Variants in CRACDL observed in about 807,000 individuals in gnomAD.
CRACDL encodes the protein CRACD like.
In CRACDL, 26 loss-of-function variants were observed where a neutral mutation model predicts 70.6. The observed-to-expected ratio is 0.37, with a 90% CI of 0.27 to 0.51. CRACDL has a LOEUF of 0.51. CRACDL is among the 20% of genes least tolerant of loss of function. The pLI is 0.94. For missense variants in CRACDL, 1,283 were observed against 1,376.9 expected (o/e 0.93, Z 1.08); for synonymous variants, 618 against 615.2 (o/e 1.00, Z -0.07).
At chr2:98,833,774 T>C (rs1705650374) in intron 3 of CRACDL, among the ~76,000 whole-genome samples, 1 of 152,174 alleles carries the variant, frequency 6.6e-6, no homozygotes, top group Non-Finnish European at 1.5e-5. Context: ...AGGAGATGAC[T>C]GAGATCTGAT....
chr2:98,808,018 G>C (rs942262519), intron 7 of CRACDL, among the ~76,000 whole-genome samples: 1 of 152,300 alleles, frequency 6.6e-6, no homozygotes, highest in African/African-American at 2.4e-5. Flanking sequence ...GTCATACGTG[G>C]CTCCTGAGCT....
chr2:98,922,438 CAAAAAA>C (rs565954351), intron 1 of CRACDL, among the ~76,000 whole-genome samples: 2 of 63,464 alleles, frequency 3.2e-5, no homozygotes, highest in Non-Finnish European at 3.4e-5. Context: ...GACTCCGTCT[CAAAAAA>C]AAAAAAAAAA....
chr2:98,811,681 C>T (rs911731854), intron 7 of CRACDL, among the ~76,000 whole-genome samples: 1 of 152,044 alleles, frequency 6.6e-6, no homozygotes, highest in African/African-American at 2.4e-5. Flanking sequence ...TTCTTCCTTC[C>T]CCTATGTAAC....
At chr2:98,917,853 C>T (rs1708704919) in intron 1 of CRACDL, among the ~76,000 whole-genome samples, 1 of 152,204 alleles carries the variant, frequency 6.6e-6, no homozygotes, top group African/African-American at 2.4e-5. Flanking sequence ...ATTTCGCTCT[C>T]ATTTATAAGT....
chr2:98,815,209 T>G (rs1442217634), intron 7 of CRACDL, among the ~76,000 whole-genome samples: 1 of 152,216 alleles, frequency 6.6e-6, no homozygotes, highest in Non-Finnish European at 1.5e-5. Flanking sequence ...CCTCGAGAAT[T>G]TTTTAGGCTT....
rs1703712960 is a variant in CRACDL, at chr2:98,794,375, T to C, written c.*157A>G. 1.6e-6 allele frequency: 1 copy of C among 640,598 alleles called. No individual in the cohort carries two copies. The highest frequency in any genetic ancestry group is 2.7e-6 in the Non-Finnish European group (1 of 374,470). The allele number at this position is 640,598 out of a possible 1,614,324, so 39.7% of individuals were successfully genotyped here. A position where few individuals can be genotyped will look rare whatever the true frequency, so the allele number is the denominator to read the frequency against. On this transcript the variant is annotated 3_prime_UTR_variant, in exon 10 of 10. Coordinates refer to ENST00000397899, the MANE Select transcript of CRACDL (RefSeq NM_207362.3). Reference sequence around the variant, plus strand: ...GAGTATGGCTGTGTGTTTATCCTCTTTGTTTTGCCTGGTTCCTTCCTCTTC... The same window carrying C: ...GAGTATGGCTGTGTGTTTATCCTCTCTGTTTTGCCTGGTTCCTTCCTCTTC...
chr2:98,838,459 A>G (rs550669742), intron 2 of CRACDL, among the ~76,000 whole-genome samples, 172 bp from the exon 3 acceptor site: 4 of 152,318 alleles, frequency 2.6e-5, no homozygotes, highest in African/African-American at 7.2e-5. Flanking sequence ...CCAGTTTTGC[A>G]TACCTGAAAA....
At chr2:98,798,444 A>C (rs1703930752) in intron 7 of CRACDL, among the ~76,000 whole-genome samples, 1 of 32,890 alleles carries the variant, frequency 3.0e-5, no homozygotes, top group South Asian at 7.1e-4. Flanking sequence ...ACTCCGTCTC[A>C]AAAAAAAAAA....
intron 1 of CRACDL, among the ~76,000 whole-genome samples, chr2:98,859,787 T>G (rs1403348582): frequency 6.6e-6 from 1 of 152,162 alleles, no homozygotes; most frequent in African/African-American, 2.4e-5. Flanking sequence ...TAATCAACTT[T>G]GTACTGGAGA....
intron 1 of CRACDL, among the ~76,000 whole-genome samples, chr2:98,925,374 G>A (rs184939496): frequency 6.2e-4 from 95 of 152,310 alleles, no homozygotes; most frequent in African/African-American, 2.2e-3. Context: ...GCTTGAGACA[G>A]GTTAAAAACA....
At chr2:98,846,223 G>C (rs1444145562) in intron 2 of CRACDL, among the ~76,000 whole-genome samples, 5 of 152,190 alleles carry the variant, frequency 3.3e-5, no homozygotes, top group Non-Finnish European at 5.9e-5. Flanking sequence ...AAAGTCTTAT[G>C]AGATGGTGAT....
intron 1 of CRACDL, among the ~76,000 whole-genome samples, chr2:98,890,349 A>G (rs945704102): frequency 6.6e-6 from 1 of 152,202 alleles, no homozygotes; most frequent in Admixed American, 6.5e-5. Flanking sequence ...AGAAATAAAG[A>G]TGATAAGAAA....
intron 9 of CRACDL, among the ~76,000 whole-genome samples, chr2:98,795,077 A>ATATTTTTTCT: frequency 1.7e-5 from 1 of 58,510 alleles, no homozygotes; most frequent in Non-Finnish European, 3.1e-5. Context: ...ATATATATAT[A>ATATTTTTTCT]TTTTTTTTTT....
chr2:98,831,758 C>A (rs1028638907), intron 5 of CRACDL, among the ~76,000 whole-genome samples: 2 of 152,150 alleles, frequency 1.3e-5, no homozygotes, highest in African/African-American at 2.4e-5. Flanking sequence ...TCCTCGGGGC[C>A]CCCCTCTTGG....
chr2:98,891,215 AAAAAT>A (rs1250434892), intron 1 of CRACDL, among the ~76,000 whole-genome samples: 2 of 151,556 alleles, frequency 1.3e-5, no homozygotes, highest in African/African-American at 4.9e-5. Context: ...CGTCTCTACT[AAAAAT>A]AAAAAAATTA....
At chr2:98,890,568 T>C (rs1707936169) in intron 1 of CRACDL, among the ~76,000 whole-genome samples, 1 of 152,244 alleles carries the variant, frequency 6.6e-6, no homozygotes, top group Admixed American at 6.5e-5. Flanking sequence ...TACTAAATGT[T>C]TAAAGAATAG....
Position 98,926,782 on chromosome 2 carries a change from A to G in CRACDL, c.-11+9156T>C, listed in dbSNP as rs145489544. On this transcript the variant is annotated intron_variant, in intron 1 of 9. Transcript: ENST00000397899. The stretch of plus-strand genomic sequence containing the variant: ...ACTCATGAAAAAACATTGGCTATTA[A>G]CTTAGCAGTGGGTTAATTCCTGCCT... 3.3e-4 allele frequency among the ~76,000 whole-genome samples: 51 copies of G among 152,358 alleles called. No homozygotes were observed. The East Asian group carries it at 6.8e-3, about 20-fold the overall frequency.
At chr2:98,901,523 G>A (rs1708280995) in intron 1 of CRACDL, among the ~76,000 whole-genome samples, 1 of 152,204 alleles carries the variant, frequency 6.6e-6, no homozygotes, top group African/African-American at 2.4e-5. Flanking sequence ...AAGCAAACTG[G>A]GGGCCGCAGG....
At chr2:98,804,567 AT>A (rs1575323978) in intron 7 of CRACDL, among the ~76,000 whole-genome samples, 1 of 151,990 alleles carries the variant, frequency 6.6e-6, no homozygotes, top group East Asian at 1.9e-4. Context: ...TCAGTGCCAC[AT>A]TTTGGGGCAC....
Sources: allele counts gnomAD v4.1 joint callset (sites outside exome capture counted in the v4.1 genomes callset), GRCh38; gene constraint gnomAD v4.1.1; transcripts MANE v1.5; gene names NCBI Gene and HGNC (gene_info 2026-07-23, HGNC 2026-07-21).